CAMSAP1: variants seen among roughly 807,000 people sequenced by gnomAD.
The protein encoded by CAMSAP1 is calmodulin regulated spectrin associated protein 1.
A neutral mutation model predicts 143.5 loss-of-function variants in CAMSAP1; 58 were observed. The observed-to-expected ratio is 0.40, with a 90% CI of 0.33 to 0.50. The LOEUF (loss-of-function observed/expected upper bound fraction) is 0.50, where lower values mean the gene tolerates loss of function less well. Among genes scored for constraint, CAMSAP1 ranks in the 20% least tolerant of loss-of-function variants. The probability of loss-of-function intolerance (pLI) is 0.45; values close to 1 mark genes in which losing one functional copy is unlikely to be tolerated. For missense variants in CAMSAP1, 1,969 were observed against 2,115.7 expected (o/e 0.93, Z 1.36); for synonymous variants, 945 against 859.3 (o/e 1.10, Z -1.74).
rs1332646132 is a variant in CAMSAP1, at chr9:135,818,087, A to G, written c.4169-8T>C. On this transcript the variant is annotated splice_region_variant and splice_polypyrimidine_tract_variant and intron_variant, in intron 13 of 16. Coordinates refer to ENST00000389532, the MANE Select transcript of CAMSAP1 (RefSeq NM_015447.4). The surrounding 1 kb of genome is among the most constrained non-coding windows in gnomAD (Gnocchi z 7.7). ...TCCGGCTCAAGTTATCAGCTGCCAGAGACAGAAACAGACGACGGTTCATGA... is the reference window on the plus strand; with the variant it reads ...TCCGGCTCAAGTTATCAGCTGCCAGGGACAGAAACAGACGACGGTTCATGA... 6.2e-7 allele frequency: 1 copy of G among 1,612,918 alleles called. No individual in the cohort carries two copies. Among genetic ancestry groups the G allele is most frequent in the Middle Eastern group, 1.7e-4 (1 of 6,060 alleles).
intron 3 of CAMSAP1, among the ~76,000 whole-genome samples, chr9:135,875,601 G>A (rs772573662): frequency 2.4e-4 from 37 of 152,148 alleles, no homozygotes; most frequent in Non-Finnish European, 4.7e-4. Flanking sequence ...CACAAAGATC[G>A]GTGGAACCGA....
At chr9:135,817,275 G>C (rs558794289) in intron 14 of CAMSAP1, among the ~76,000 whole-genome samples, 1 of 152,332 alleles carries the variant, frequency 6.6e-6, no homozygotes, top group East Asian at 1.9e-4. Flanking sequence ...TCGGATGAAA[G>C]TGCTGCCTTG....
intron 7 of CAMSAP1, chr9:135,836,664 G>A (rs996166223): frequency 3.1e-5 from 30 of 962,688 alleles, no homozygotes; most frequent in Admixed American, 2.3e-4. Flanking sequence ...TTTCTACCCC[G>A]TTCTACAGAC....
rs775302454 is a variant in CAMSAP1 at position 135,821,875 on chromosome 9, G to A, written c.2786C>T (p.Pro929Leu). The change falls in exon 11 of 17, where the codon CCC becomes CTC. Residue 929 changes from proline (P) to leucine (L), a missense_variant. By Grantham distance (98) the Pro-to-Leu change is moderately conservative. Transcript: ENST00000389532. The surrounding 1 kb of genome is among the most constrained non-coding windows in gnomAD (Gnocchi z 4.6). ...VKKGKAEAAP[P>L]LRPEHFAKEY... ...CTTTGCAAAGTGCTCCGGCCTGAGG[G>A]GTGGGGCAGCCTCGGCCTTGCCCTT... 3.7e-6 allele frequency: 6 copies of A among 1,613,902 alleles called. No individual in the cohort carries two copies. The African/African-American group carries it at 5.3e-5, about 14-fold the overall frequency.
At chr9:135,892,864 A>AAAAAAAAAAAAAAAAAAAAAAAAAC (rs1838329149) in intron 1 of CAMSAP1, among the ~76,000 whole-genome samples, 1 of 144,192 alleles carries the variant, frequency 6.9e-6, no homozygotes, top group Non-Finnish European at 1.5e-5. Flanking sequence ...AAAAAAAAAA[A>AAAAAAAAAAAAAAAAAAAAAAAAAC]AAAGAACTAA....
In CAMSAP1 at chr9:135,835,112, C is replaced by A. The variant is rs903454278; in HGVS notation, c.1046-7528G>T. Among the ~76,000 whole-genome samples the A allele has an allele frequency of 5.3e-5, 8 of 152,006 alleles. 1 individual carries two copies. The highest frequency in any genetic ancestry group is 1.9e-4 in the African/African-American group (8 of 41,376). On this transcript the variant is annotated intron_variant, in intron 7 of 16. Transcript: ENST00000389532. ...GGCAAAATGTGTCCATTTGGGAGGA[C>A]CCCCAAGCACAGGATTTGGCAGGAA...
chr9:135,816,239 T>C (rs1382134807), intron 14 of CAMSAP1, among the ~76,000 whole-genome samples: 1 of 151,160 alleles, frequency 6.6e-6, no homozygotes, highest in Admixed American at 6.6e-5. Flanking sequence ...CAGAGGGGAG[T>C]CAGCCCTTCA....
chr9:135,838,112 CAG>C (rs72398251), intron 7 of CAMSAP1, among the ~76,000 whole-genome samples: 17,698 of 142,304 alleles, frequency 0.12, 1,391 homozygotes, highest in Non-Finnish European at 0.16. Context: ...ACCCATTCTA[CAG>C]ACACGTCATC....
chr9:135,817,418 G>C (rs148067536), intron 14 of CAMSAP1, among the ~76,000 whole-genome samples: 1 of 152,170 alleles, frequency 6.6e-6, no homozygotes, highest in African/African-American at 2.4e-5. Flanking sequence ...TTCTGGCAGC[G>C]TCTCACTCTG....
chr9:135,873,695 A>G (rs2130961499), intron 3 of CAMSAP1, among the ~76,000 whole-genome samples: 1 of 152,284 alleles, frequency 6.6e-6, no homozygotes, highest in African/African-American at 2.4e-5. Flanking sequence ...ATCCCTTGAA[A>G]GTCACAAATT....
At chr9:135,865,281 C>T (rs940082989) in intron 4 of CAMSAP1, 15 of 1,535,650 alleles carry the variant, frequency 9.8e-6, no homozygotes, top group East Asian at 2.4e-5. Context: ...AGCAAGTGAT[C>T]GCGACAGGAT....
At chr9:135,844,994 A>C (rs1474513544) in intron 7 of CAMSAP1, among the ~76,000 whole-genome samples, 2 of 152,186 alleles carry the variant, frequency 1.3e-5, no homozygotes, top group East Asian at 1.9e-4. Context: ...ACAGAAAAAG[A>C]GGGACTCTTC....
chr9:135,846,682 C>CAAAAAAAAAA (rs752714756), intron 7 of CAMSAP1, among the ~76,000 whole-genome samples: 1 of 53,730 alleles, frequency 1.9e-5, no homozygotes, highest in African/African-American at 5.9e-5. Flanking sequence ...ACAAATTTAC[C>CAAAAAAAAAA]AAAAAAAAAA....
chr9:135,904,732 G>T (rs1286014799), intron 1 of CAMSAP1, among the ~76,000 whole-genome samples: 2 of 152,046 alleles, frequency 1.3e-5, no homozygotes, highest in Non-Finnish European at 1.5e-5. Flanking sequence ...ACTTTGGGAG[G>T]CCAAGGCAGG....
At chr9:135,845,579 C>CT (rs1490626720) in intron 7 of CAMSAP1, among the ~76,000 whole-genome samples, 4 of 152,190 alleles carry the variant, frequency 2.6e-5, no homozygotes, top group African/African-American at 9.6e-5. Flanking sequence ...GTCAAATTGT[C>CT]TCTGTTTGCA....
intron 16 of CAMSAP1, among the ~76,000 whole-genome samples, chr9:135,813,192 G>C (rs557604025): frequency 1.2e-4 from 18 of 152,274 alleles, no homozygotes; most frequent in Non-Finnish European, 2.5e-4. Flanking sequence ...CCTCGACCTC[G>C]AAAGGCTAAG....
At chr9:135,892,050 A>C (rs1400384552) in intron 1 of CAMSAP1, among the ~76,000 whole-genome samples, 1 of 152,200 alleles carries the variant, frequency 6.6e-6, no homozygotes, top group Non-Finnish European at 1.5e-5. Context: ...ACGATGTCAA[A>C]AGTTCCAACA....
chr9:135,881,521 C>T, intron 3 of CAMSAP1, 112 bp downstream of exon 3: 1 of 1,235,982 alleles, frequency 8.1e-7, no homozygotes, highest in Non-Finnish European at 1.1e-6. Flanking sequence ...TATGACTGGT[C>T]CCAAATGAAG....
chr9:135,874,372 T>C (rs1032195348), intron 3 of CAMSAP1, among the ~76,000 whole-genome samples: 12 of 146,412 alleles, frequency 8.2e-5, no homozygotes, highest in Admixed American at 3.6e-4. Flanking sequence ...TTCAGCAGGC[T>C]GAGGCAGAAG....
Sources: gnomAD v4.1 joint callset for allele counts (sites outside exome capture counted in the v4.1 genomes callset) on GRCh38, gnomAD v4.1.1 for gene constraint, Gnocchi (gnomAD v3.1) non-coding constraint, MANE v1.5 for transcripts, NCBI Gene and HGNC (gene_info 2026-07-23, HGNC 2026-07-21) for gene names.